TAFA2: variants seen among roughly 807,000 people sequenced by gnomAD.
TAFA2 encodes the protein chemokine-like protein TAFA-2.
TAFA2 carries 7 observed loss-of-function variants against 18.8 expected under a neutral mutation model. The ratio of observed to expected loss-of-function variants is 0.37; its 90% CI spans 0.21 to 0.70. The LOEUF (loss-of-function observed/expected upper bound fraction) is 0.70, where lower values mean the gene tolerates loss of function less well. Among genes scored for constraint, TAFA2 ranks in the 30% least tolerant of loss-of-function variants. The probability of loss-of-function intolerance (pLI) is 0.53; values close to 1 mark genes in which losing one functional copy is unlikely to be tolerated. For missense variants in TAFA2, 122 were observed against 158.1 expected, an observed-to-expected ratio of 0.77 and a Z score of 1.23; for synonymous variants, 60 against 54.2, an observed-to-expected ratio of 1.11 and a Z score of -0.47.
At chr12:62,199,167 GA>G (rs1335967801) in intron 1 of TAFA2, among the ~76,000 whole-genome samples, 1 of 152,158 alleles carries the variant, frequency 6.6e-6, no homozygotes, top group Non-Finnish European at 1.5e-5. Context: ...GAGTACTGGG[GA>G]TAAGTAGGCC....
At chr12:62,197,211 C>T (rs1022860722), upstream of TAFA2, among the ~76,000 whole-genome samples, 4 of 152,218 alleles carry the variant, frequency 2.6e-5, no homozygotes, top group Admixed American at 6.5e-5. Context: ...TCCATGAAAC[C>T]GGTCCCTGGT....
At chr12:61,722,414 C>T (rs1245707967) in intron 4 of TAFA2, among the ~76,000 whole-genome samples, 1 of 151,990 alleles carries the variant, frequency 6.6e-6, no homozygotes, top group Non-Finnish European at 1.5e-5. Flanking sequence ...GTATTCTGGC[C>T]AGAGTCGAGT....
At chr12:62,057,151 T>G (rs1461030440) in intron 1 of TAFA2, among the ~76,000 whole-genome samples, 1 of 152,222 alleles carries the variant, frequency 6.6e-6, no homozygotes, top group African/African-American at 2.4e-5. Flanking sequence ...TTTAATGTCT[T>G]CAATGCTCAT....
At chr12:62,113,235 A>G (rs1869813856) in intron 1 of TAFA2, among the ~76,000 whole-genome samples, 2 of 152,180 alleles carry the variant, frequency 1.3e-5, no homozygotes, top group Non-Finnish European at 2.9e-5. Flanking sequence ...TCTAACAGTC[A>G]GGACCCTCTG....
intron 2 of TAFA2, among the ~76,000 whole-genome samples, chr12:61,771,737 A>G (rs1278856740): frequency 6.6e-6 from 1 of 151,988 alleles, no homozygotes; most frequent in Non-Finnish European, 1.5e-5. Context: ...AAGCAGTTCT[A>G]TGAAAAAAGT....
In TAFA2 at chr12:61,934,854, G is replaced by T. The variant is rs368982526; in HGVS notation, c.-1-67428C>A. Among the ~76,000 whole-genome samples, 5 of 152,268 alleles carry T rather than the reference G, an allele frequency of 3.3e-5. No homozygotes were observed. The South Asian group carries it at 1.0e-3, about 31-fold the overall frequency. ...AAAGTCTAAATATATAAAATTGATT[G>T]ATTTTGCAATATTCTCTACTTCTTG... On this transcript the variant is annotated intron_variant, in intron 1 of 4. Coordinates refer to ENST00000416284, the MANE Select transcript of TAFA2 (RefSeq NM_178539.5).
At chr12:61,783,702 G>C (rs748416526) in intron 2 of TAFA2, among the ~76,000 whole-genome samples, 8 of 150,884 alleles carry the variant, frequency 5.3e-5, no homozygotes, top group Non-Finnish European at 1.0e-4. Flanking sequence ...TGGGTAGTTA[G>C]TATTTAAAAT....
At chr12:62,049,310 T>A (rs1166499196) in intron 1 of TAFA2, among the ~76,000 whole-genome samples, 1 of 152,150 alleles carries the variant, frequency 6.6e-6, no homozygotes, top group African/African-American at 2.4e-5. Context: ...CAGCAAGACA[T>A]CCTATTTTCA....
chr12:61,845,677 A>G (rs943043910), intron 2 of TAFA2, among the ~76,000 whole-genome samples: 58 of 152,198 alleles, frequency 3.8e-4, no homozygotes, highest in African/African-American at 1.3e-3. Flanking sequence ...GTGATTATCC[A>G]TTTTCCAAAG....
chr12:62,136,648 G>A (rs1870906745), intron 1 of TAFA2, among the ~76,000 whole-genome samples: 1 of 152,040 alleles, frequency 6.6e-6, no homozygotes, highest in African/African-American at 2.4e-5. Flanking sequence ...AGTGGTTGAG[G>A]GAACCAAAGA....
chr12:62,198,323 C>T (rs3759290), intron 1 of TAFA2: 26,469 of 152,134 alleles, frequency 0.17, 2,612 homozygotes, highest in East Asian at 0.34. Flanking sequence ...TCCCAGCCTC[C>T]TCTCTTTCTG....
chr12:61,909,550 C>T (rs717046), intron 1 of TAFA2, among the ~76,000 whole-genome samples: 121,522 of 152,156 alleles, frequency 0.8, 49,155 homozygotes, highest in African/African-American at 0.91. Flanking sequence ...AAGATGCCTA[C>T]CAAAGACTGA....
intron 2 of TAFA2, among the ~76,000 whole-genome samples, chr12:61,855,920 A>G (rs543786971): frequency 6.6e-5 from 10 of 152,224 alleles, no homozygotes; most frequent in African/African-American, 2.4e-4. Flanking sequence ...TAAAAGCATC[A>G]AAGACAAAAT....
At chr12:62,148,370 A>G (rs530495373) in intron 1 of TAFA2, among the ~76,000 whole-genome samples, 2 of 152,356 alleles carry the variant, frequency 1.3e-5, no homozygotes, top group Admixed American at 1.3e-4. Flanking sequence ...AGCCATAAAA[A>G]GGGTAAAACC....
intron 1 of TAFA2, among the ~76,000 whole-genome samples, chr12:61,923,959 A>C (rs529629555): frequency 4.2e-4 from 64 of 151,698 alleles, no homozygotes; most frequent in Non-Finnish European, 8.7e-4. Context: ...TCAATAGCCA[A>C]ACTGATCAAG....
intron 2 of TAFA2, among the ~76,000 whole-genome samples, chr12:61,826,328 A>G (rs1464452035): frequency 2.8e-5 from 4 of 144,248 alleles, no homozygotes; most frequent in African/African-American, 1.0e-4. Flanking sequence ...AAAACTTCTA[A>G]TTAGTTCATC....
At chr12:62,082,134 T>A (rs1246823078) in intron 1 of TAFA2, among the ~76,000 whole-genome samples, 9 of 152,216 alleles carry the variant, frequency 5.9e-5, no homozygotes, top group Non-Finnish European at 1.5e-5. Context: ...CATTCCTTTT[T>A]ATGGCTGCCT....
At chr12:62,100,770 C>T (rs1592335153) in intron 1 of TAFA2, among the ~76,000 whole-genome samples, 1 of 152,286 alleles carries the variant, frequency 6.6e-6, no homozygotes, top group Non-Finnish European at 1.5e-5. Context: ...TTGTGCTCTT[C>T]AAAACTTTTG....
rs558299870 is a variant in TAFA2 at position 62,180,679 on chromosome 12, CAATA to C, written c.-2+10576_-2+10579del. Reference sequence around the variant, plus strand: ...TAACTCAGAAGGGTGAAAATGAAATCAATAAATATCTGAGCATATTAGCTATACT... The same window carrying C: ...TAACTCAGAAGGGTGAAAATGAAATCAATATCTGAGCATATTAGCTATACT... On this transcript the variant is annotated intron_variant, in intron 1 of 4. Transcript: ENST00000416284. Among the ~76,000 whole-genome samples the C allele has an allele frequency of 4.0e-5, 6 of 151,802 alleles. No homozygotes were observed. The East Asian group carries it at 1.2e-3, about 29-fold the overall frequency.
Sources: allele counts gnomAD v4.1 joint callset (sites outside exome capture counted in the v4.1 genomes callset), GRCh38; gene constraint gnomAD v4.1.1; transcripts MANE v1.5; gene names NCBI Gene and HGNC (gene_info 2026-07-23, HGNC 2026-07-21).